ATP8A1: variants seen among roughly 807,000 people sequenced by gnomAD.
ATP8A1 encodes ATPase phospholipid transporting 8A1, also known as phospholipid-transporting ATPase IA.
In ATP8A1, 90 loss-of-function variants were observed where a neutral mutation model predicts 177.7. The observed-to-expected ratio is 0.51, with a 90% CI of 0.43 to 0.60. ATP8A1 has a LOEUF of 0.60. ATP8A1 is among the 20% of genes least tolerant of loss of function. The pLI is 0.00. For missense variants in ATP8A1, 1,072 were observed against 1,392.8 expected, an observed-to-expected ratio of 0.77 and a Z score of 3.67; for synonymous variants, 493 against 485.9, an observed-to-expected ratio of 1.01 and a Z score of -0.19.
intron 25 of ATP8A1, among the ~76,000 whole-genome samples, chr4:42,470,533 A>G (rs1720284398): frequency 2.0e-5 from 3 of 152,218 alleles, no homozygotes; most frequent in Admixed American, 2.0e-4. Context: ...GCCAAAAGGA[A>G]TACAATAATT....
intron 22 of ATP8A1, among the ~76,000 whole-genome samples, chr4:42,507,685 G>A (rs1296178913): frequency 1.5e-5 from 2 of 130,534 alleles, no homozygotes; most frequent in Admixed American, 9.3e-5. Context: ...AGCTGAGATC[G>A]TGCCACTGCA....
intron 9 of ATP8A1, among the ~76,000 whole-genome samples, chr4:42,583,862 A>C (rs550075245): frequency 6.6e-6 from 1 of 152,372 alleles, no homozygotes; most frequent in East Asian, 1.9e-4. Context: ...AGATTTGCTC[A>C]GCAACAATTT....
chr4:42,606,669 C>T (rs1735826013), intron 5 of ATP8A1, among the ~76,000 whole-genome samples: 1 of 152,182 alleles, frequency 6.6e-6, no homozygotes, highest in Admixed American at 6.5e-5. Flanking sequence ...TGTGAGACAA[C>T]TCAATTTTCC....
chr4:42,453,379 T>A (rs1718140877), intron 29 of ATP8A1, among the ~76,000 whole-genome samples: 1 of 152,154 alleles, frequency 6.6e-6, no homozygotes, highest in African/African-American at 2.4e-5. Context: ...GAAAAATCCA[T>A]AAACCCTGTA....
intron 5 of ATP8A1, among the ~76,000 whole-genome samples, chr4:42,614,939 A>C (rs1391247411): frequency 6.6e-6 from 1 of 152,222 alleles, no homozygotes; most frequent in Non-Finnish European, 1.5e-5. Flanking sequence ...TCTCCTTACC[A>C]ATTTTTATAG....
intron 9 of ATP8A1, among the ~76,000 whole-genome samples, chr4:42,586,065 A>C (rs1733581491): frequency 1.3e-5 from 2 of 152,192 alleles, no homozygotes; most frequent in Admixed American, 1.3e-4. Flanking sequence ...TCTTACTCCC[A>C]TTGTTTACCC....
At chr4:42,515,795 G>A (rs1373603667) in intron 22 of ATP8A1, among the ~76,000 whole-genome samples, 1 of 152,122 alleles carries the variant, frequency 6.6e-6, no homozygotes, top group African/African-American at 2.4e-5. Context: ...GCCACGCAGC[G>A]GTGCTCAGAT....
chr4:42,566,855 A>G (rs1298883883), intron 15 of ATP8A1, among the ~76,000 whole-genome samples: 1 of 152,188 alleles, frequency 6.6e-6, no homozygotes, highest in Non-Finnish European at 1.5e-5. Flanking sequence ...AATTTCACCA[A>G]CTTTAAAATG....
intron 16 of ATP8A1, among the ~76,000 whole-genome samples, chr4:42,555,129 CTAT>C (rs1729984896): frequency 2.3e-5 from 2 of 85,496 alleles, no homozygotes; most frequent in African/African-American, 1.0e-4. Context: ...ATCTATCTAT[CTAT>C]CTATCTAATC....
chr4:42,455,949 T>C (rs1718436076), intron 27 of ATP8A1, among the ~76,000 whole-genome samples: 2 of 152,172 alleles, frequency 1.3e-5, no homozygotes, highest in African/African-American at 2.4e-5. Flanking sequence ...TTTTAAAATA[T>C]CAGGATTGTA....
chr4:42,545,224 ATTAC>A (rs1355435104), intron 19 of ATP8A1, among the ~76,000 whole-genome samples: 1 of 151,390 alleles, frequency 6.6e-6, no homozygotes, highest in Non-Finnish European at 1.5e-5. Context: ...TGCTCCTGGT[ATTAC>A]TACCCCAGTC....
At chr4:42,435,456 A>AAAAC (rs1715856129) in intron 33 of ATP8A1, among the ~76,000 whole-genome samples, 9 of 101,010 alleles carry the variant, frequency 8.9e-5, no homozygotes, top group African/African-American at 2.9e-4. Context: ...AAAACAAAAA[A>AAAAC]AAAAAAACAA....
At chr4:42,635,415 T>C (rs781171953) in intron 1 of ATP8A1, among the ~76,000 whole-genome samples, 10 of 152,056 alleles carry the variant, frequency 6.6e-5, no homozygotes, top group Non-Finnish European at 1.3e-4. Flanking sequence ...ACTCAATGGT[T>C]TCCAATATTA....
chr4:42,569,699 T>C (rs556305523), intron 14 of ATP8A1, among the ~76,000 whole-genome samples: 1 of 152,338 alleles, frequency 6.6e-6, no homozygotes, highest in South Asian at 2.1e-4. Context: ...AAAGTAAAAG[T>C]TACCTGCATT....
chr4:42,519,555 G>A (rs914835703), intron 22 of ATP8A1, among the ~76,000 whole-genome samples: 1 of 152,112 alleles, frequency 6.6e-6, no homozygotes, highest in Non-Finnish European at 1.5e-5. Flanking sequence ...TTCATTTAGG[G>A]AATTTGCTCA....
At chr4:42,601,190 C>T (rs929712046) in intron 5 of ATP8A1, among the ~76,000 whole-genome samples, 27 of 151,830 alleles carry the variant, frequency 1.8e-4, no homozygotes, top group African/African-American at 6.5e-4. Flanking sequence ...CATGCACCAC[C>T]ATGTGTGGCT....
At chr4:42,523,787 T>C (rs983801668) in intron 21 of ATP8A1, among the ~76,000 whole-genome samples, 1 of 152,246 alleles carries the variant, frequency 6.6e-6, no homozygotes, top group African/African-American at 2.4e-5. Context: ...CTGGGCTTTA[T>C]GGAATCTGAA....
chr4:42,422,323 C>T (rs1367931730), intron 35 of ATP8A1, among the ~76,000 whole-genome samples: 1 of 152,140 alleles, frequency 6.6e-6, no homozygotes, highest in Non-Finnish European at 1.5e-5. Context: ...AACTCCTGAC[C>T]TTGTTATCTG....
intron 20 of ATP8A1, among the ~76,000 whole-genome samples, chr4:42,536,028 C>T (rs1727791124): frequency 6.6e-6 from 1 of 152,146 alleles, no homozygotes; most frequent in African/African-American, 2.4e-5. Flanking sequence ...CACAAACAGA[C>T]AATCTAAGGT....
Sources: allele counts gnomAD v4.1 joint callset (sites outside exome capture counted in the v4.1 genomes callset), GRCh38; gene constraint gnomAD v4.1.1; transcripts MANE v1.5; gene names NCBI Gene and HGNC (gene_info 2026-07-23, HGNC 2026-07-21).